Variants in ENTPD1 observed in about 807,000 individuals in gnomAD.
ENTPD1 encodes the protein ATP diphosphohydrolase.
Under a neutral mutation model 57.0 loss-of-function variants are expected in ENTPD1, and 33 were observed. The ratio of observed to expected loss-of-function variants is 0.58; its 90% confidence interval spans 0.44 to 0.77. The LOEUF is 0.77. Ranked by LOEUF, ENTPD1 falls within the 30% of genes least tolerant of loss-of-function variation. The pLI is 0.00. For missense variants in ENTPD1, 501 were observed against 603.4 expected, an observed-to-expected ratio of 0.83 and a Z score of 1.78; for synonymous variants, 202 against 218.8, an observed-to-expected ratio of 0.92 and a Z score of 0.68.
intron 1 of ENTPD1, among the ~76,000 whole-genome samples, chr10:95,722,712 C>T (rs1029745395): frequency 1.3e-5 from 2 of 152,142 alleles, no homozygotes; most frequent in African/African-American, 4.8e-5. Flanking sequence ...TCTCAATCAC[C>T]TGGGAGGAAA....
chr10:95,729,250 A>T (rs1243672418), intron 1 of ENTPD1, among the ~76,000 whole-genome samples: 1 of 152,220 alleles, frequency 6.6e-6, no homozygotes, highest in African/African-American at 2.4e-5. Flanking sequence ...TACCAATTAT[A>T]TTCAGAGAAA....
At chr10:95,797,854 A>G (rs2098232919) in intron 1 of ENTPD1, among the ~76,000 whole-genome samples, 4 of 152,196 alleles carry the variant, frequency 2.6e-5, no homozygotes, top group Non-Finnish European at 5.9e-5. Context: ...GGAGGAGGAA[A>G]ACATCCAGAC....
intron 1 of ENTPD1, among the ~76,000 whole-genome samples, chr10:95,762,715 T>C (rs1566116731): frequency 6.6e-6 from 1 of 152,314 alleles, no homozygotes; most frequent in East Asian, 1.9e-4. Context: ...ATCCCAGAAA[T>C]AGACTTACTA....
At chr10:95,743,997 C>CATATATATATATATAT (rs57187898) in intron 1 of ENTPD1, among the ~76,000 whole-genome samples, 3 of 80,992 alleles carry the variant, frequency 3.7e-5, no homozygotes, top group Non-Finnish European at 7.9e-5. Flanking sequence ...TATTTTAAAC[C>CATATATATATATATAT]ATATATATAT....
chr10:95,714,191 G>A lies in ENTPD1; in HGVS notation c.37+2198G>A, dbSNP rs546950643. Among the ~76,000 whole-genome samples, 4 of 152,202 alleles carry A rather than the reference G, an allele frequency of 2.6e-5. No homozygotes were observed. In the South Asian group the frequency reaches 8.3e-4, roughly 32 times the overall value. The stretch of plus-strand genomic sequence containing the variant: ...CTGGATGTGGTGCCATGGGCCTGTG[G>A]TCCTGGCTACTTGGGAGGCTGAGGT... On this transcript the variant is annotated intron_variant, in intron 1 of 9. Transcript: ENST00000453258.
chr10:95,777,825 C>T (rs2098140058), intron 1 of ENTPD1, among the ~76,000 whole-genome samples: 1 of 152,232 alleles, frequency 6.6e-6, no homozygotes, highest in South Asian at 2.1e-4. Flanking sequence ...TTCGATCTTC[C>T]AGGACACTTT....
In ENTPD1 at chr10:95,824,398, A is replaced by G. The variant is rs943947925; in HGVS notation, c.144+1034A>G. 3.3e-5 allele frequency among the ~76,000 whole-genome samples: 5 copies of G among 152,208 alleles called. No homozygotes were observed. The East Asian group carries it at 9.6e-4, about 29-fold the overall frequency. Reference sequence around the variant, plus strand: ...TCTGAAACTTTTGCCATCCACCCAAATCACTGTATAGCAGAGGCGTGGGTG... The same window carrying G: ...TCTGAAACTTTTGCCATCCACCCAAGTCACTGTATAGCAGAGGCGTGGGTG... On this transcript the variant is annotated intron_variant, in intron 2 of 9. Coordinates refer to ENST00000371205, the MANE Select transcript of ENTPD1 (RefSeq NM_001776.6).
chr10:95,770,173 C>T lies in ENTPD1; in HGVS notation c.16+13918C>T, dbSNP rs371609944. ...AAACGACAATGCTCTAAGGACTGAG[C>T]CGGATGCTCCAACTTTAAAGGTTGG... On this transcript the variant is annotated intron_variant, in intron 1 of 9. Coordinates refer to ENST00000371205, the MANE Select transcript of ENTPD1 (RefSeq NM_001776.6). Among the ~76,000 whole-genome samples, 18 of 149,744 alleles carry T rather than the reference C, an allele frequency of 1.2e-4. 1 individual carries two copies. Among genetic ancestry groups the T allele is most frequent in the African/African-American group, 4.4e-4 (18 of 40,752 alleles).
chr10:95,775,120 T>C (rs1261822218), intron 1 of ENTPD1, among the ~76,000 whole-genome samples: 1 of 152,352 alleles, frequency 6.6e-6, no homozygotes, highest in East Asian at 1.9e-4. Context: ...ACTCATCATT[T>C]GGCTTTCTGT....
At chr10:95,786,215 C>CTTCTGTTCA (rs1291889413) in intron 1 of ENTPD1, among the ~76,000 whole-genome samples, 2 of 152,148 alleles carry the variant, frequency 1.3e-5, no homozygotes, top group Non-Finnish European at 2.9e-5. Context: ...TGACTCAAAA[C>CTTCTGTTCA]TTCTGTTCAT....
intron 2 of ENTPD1, among the ~76,000 whole-genome samples, chr10:95,830,135 T>C (rs2098391845): frequency 6.6e-6 from 1 of 152,188 alleles, no homozygotes; most frequent in Non-Finnish European, 1.5e-5. Context: ...AAGTATTCAG[T>C]GATAGCAACA....
intron 1 of ENTPD1, among the ~76,000 whole-genome samples, chr10:95,798,139 G>C (rs2098234124): frequency 6.6e-6 from 1 of 152,116 alleles, no homozygotes; most frequent in Non-Finnish European, 1.5e-5. Flanking sequence ...GGAAAGGAGA[G>C]TGCTTATGTA....
chr10:95,768,905 A>G (rs1326519305), intron 1 of ENTPD1, among the ~76,000 whole-genome samples: 1 of 152,226 alleles, frequency 6.6e-6, no homozygotes. Flanking sequence ...ACCTTATCCT[A>G]AAAAGTATTT....
In ENTPD1 at chr10:95,876,212, A is replaced by G; in HGVS notation, c.*9829A>G. 1.0e-6 allele frequency: 1 copy of G among 978,776 alleles called. No homozygotes were observed. The highest frequency in any genetic ancestry group is 1.2e-6 in the Non-Finnish European group (1 of 823,888). The allele number at this position is 978,776 out of a possible 1,614,324, so 60.6% of individuals were successfully genotyped here. A position where few individuals can be genotyped will look rare whatever the true frequency, so the allele number is the denominator to read the frequency against. On this transcript the variant is annotated 3_prime_UTR_variant, in exon 10 of 10. Transcript: ENST00000371205. Reference sequence around the variant, plus strand: ...TAGGTATATTTATAAATACTCCTATAAAAATGTAAAGAAACACATAATGTA... The same window carrying G: ...TAGGTATATTTATAAATACTCCTATGAAAATGTAAAGAAACACATAATGTA...
rs1329804047 is a variant in ENTPD1, at chr10:95,874,481, T to C, written c.*8098T>C. 6.6e-6 allele frequency among the ~76,000 whole-genome samples: 1 copy of C among 152,228 alleles called. No homozygotes were observed. Among genetic ancestry groups the C allele is most frequent in the African/African-American group, 2.4e-5 (1 of 41,466 alleles). The stretch of plus-strand genomic sequence containing the variant: ...GCTTTGCAGAGTACAGCCTCCCTCC[T>C]GGCTGCTTTCTCAGGCTGATGTTGA... On this transcript the variant is annotated 3_prime_UTR_variant, in exon 10 of 10. Transcript: ENST00000371205.
intron 7 of ENTPD1, 72 bp downstream of exon 7, chr10:95,847,778 TA>T: frequency 6.2e-6 from 10 of 1,603,374 alleles, no homozygotes; most frequent in Non-Finnish European, 8.5e-6. Flanking sequence ...ACAAAAGATT[TA>T]AATAATAGGA....
At chr10:95,775,123 C>A (rs895581524) in intron 1 of ENTPD1, among the ~76,000 whole-genome samples, 1 of 152,092 alleles carries the variant, frequency 6.6e-6, no homozygotes, top group Non-Finnish European at 1.5e-5. Flanking sequence ...CATCATTTGG[C>A]TTTCTGTTTG....
At chr10:95,864,636 C>T (rs2098470874) in intron 8 of ENTPD1, 88 bp from the exon 9 acceptor site, 1 of 1,576,802 alleles carries the variant, frequency 6.3e-7, no homozygotes, top group East Asian at 2.2e-5. Flanking sequence ...GGGCTTTCCC[C>T]TCTCTTCATC....
At chr10:95,735,361 G>C (rs997979712) in intron 1 of ENTPD1, among the ~76,000 whole-genome samples, 1 of 152,150 alleles carries the variant, frequency 6.6e-6, no homozygotes, top group Non-Finnish European at 1.5e-5. Context: ...GTGTCTTTCA[G>C]TCAAAGTCAA....
Sources: gnomAD v4.1 joint callset for allele counts (sites outside exome capture counted in the v4.1 genomes callset) on GRCh38, gnomAD v4.1.1 for gene constraint, MANE v1.5 for transcripts, NCBI Gene and HGNC (gene_info 2026-07-23, HGNC 2026-07-21) for gene names.